Variants in DDX46 observed in about 807,000 individuals in gnomAD.
The protein encoded by DDX46 is probable ATP-dependent RNA helicase DDX46.
Under a neutral mutation model 134.9 loss-of-function variants are expected in DDX46, and 30 were observed. The ratio of observed to expected loss-of-function variants is 0.22; its 90% CI spans 0.17 to 0.30. The LOEUF (loss-of-function observed/expected upper bound fraction) is 0.30. Ranked by LOEUF, DDX46 falls within the 10% of genes least tolerant of loss-of-function variation. The probability of loss-of-function intolerance (pLI) is 1.00; values close to 1 mark genes in which losing one functional copy is unlikely to be tolerated. For missense variants in DDX46, 622 were observed against 1,248.7 expected (o/e 0.50, Z 7.56); for synonymous variants, 415 against 404.1 (o/e 1.03, Z -0.32).
chr5:134,820,167 G>T (rs1212955124), intron 21 of DDX46, among the ~76,000 whole-genome samples: 1 of 151,616 alleles, frequency 6.6e-6, no homozygotes, highest in Non-Finnish European at 1.5e-5. Context: ...TGGTCCACCC[G>T]CCTTGGTCTC....
At chr5:134,769,637 T>G (rs1407876812) in intron 3 of DDX46, among the ~76,000 whole-genome samples, 1 of 150,040 alleles carries the variant, frequency 6.7e-6, no homozygotes, top group East Asian at 1.9e-4. Flanking sequence ...GCCTCCCGAG[T>G]TCAAGTGATT....
chr5:134,822,035 G>A (rs1755470217), intron 21 of DDX46, among the ~76,000 whole-genome samples: 1 of 151,482 alleles, frequency 6.6e-6, no homozygotes, highest in Non-Finnish European at 1.5e-5. Flanking sequence ...GATTACAGAT[G>A]CATGCCTGGC....
At chr5:134,801,718 T>G (rs143193116) in intron 15 of DDX46, among the ~76,000 whole-genome samples, 26 of 152,332 alleles carry the variant, frequency 1.7e-4, no homozygotes, top group Admixed American at 4.6e-4. Flanking sequence ...TTTTTTCTTA[T>G]TACTGAGTAG....
chr5:134,782,412 C>CG, intron 8 of DDX46, among the ~76,000 whole-genome samples: 1 of 151,918 alleles, frequency 6.6e-6, no homozygotes, highest in Middle Eastern at 3.4e-3. Context: ...GAGGCCAAGG[C>CG]GGGCAGATCA....
chr5:134,766,842 G>T, intron 2 of DDX46, 75 bp from the exon 3 acceptor site: 1 of 1,487,806 alleles, frequency 6.7e-7, no homozygotes, highest in Non-Finnish European at 9.0e-7. Flanking sequence ...TTCTTTCAAT[G>T]TGGGACAGAA....
chr5:134,827,447 G>T (rs939808111), intron 22 of DDX46, among the ~76,000 whole-genome samples: 10 of 152,072 alleles, frequency 6.6e-5, no homozygotes, highest in African/African-American at 2.2e-4. Flanking sequence ...GCTAATTTTT[G>T]TATTTTTAGT....
At chr5:134,800,060 G>T (rs1754780393) in intron 15 of DDX46, among the ~76,000 whole-genome samples, 1 of 151,690 alleles carries the variant, frequency 6.6e-6, no homozygotes, top group Non-Finnish European at 1.5e-5. Flanking sequence ...TGATTCTCCT[G>T]CCTCAGCCTC....
Position 134,826,938 on chromosome 5 carries a change from A to G in DDX46, c.2978-9A>G. The stretch of plus-strand genomic sequence containing the variant: ...AATTTGAATAATATGCTTTCCACTC[A>G]ATCACTAGGTGCCAATGAACTGGCT... On this transcript the variant is annotated splice_polypyrimidine_tract_variant and intron_variant, in intron 21 of 22. Coordinates refer to ENST00000452510, the MANE Select transcript of DDX46 (RefSeq NM_001300860.2). 6 of 1,611,618 alleles carry G rather than the reference A, an allele frequency of 3.7e-6. No homozygotes were observed. Among genetic ancestry groups the G allele is most frequent in the African/African-American group, 1.3e-5 (1 of 74,942 alleles).
At chr5:134,792,999 A>G (rs1754548408) in intron 13 of DDX46, among the ~76,000 whole-genome samples, 1 of 152,154 alleles carries the variant, frequency 6.6e-6, no homozygotes, top group Non-Finnish European at 1.5e-5. Flanking sequence ...CTACAAAAAA[A>G]TATAAAAATT....
intron 3 of DDX46, among the ~76,000 whole-genome samples, chr5:134,767,998 A>G (rs970933791): frequency 2.0e-5 from 3 of 152,064 alleles, no homozygotes; most frequent in East Asian, 3.9e-4. Flanking sequence ...ACAATGTGCA[A>G]TTTGTTTAGC....
intron 17 of DDX46, 69 bp from the exon 18 acceptor site, chr5:134,811,627 T>C: frequency 6.7e-7 from 1 of 1,484,566 alleles, no homozygotes; most frequent in Non-Finnish European, 9.0e-7. Flanking sequence ...GAAAAATATT[T>C]AATTAGTATG....
At chr5:134,781,324 G>A (rs550180634) in intron 7 of DDX46, 78 bp downstream of exon 7, 22 of 1,115,048 alleles carry the variant, frequency 2.0e-5, no homozygotes, top group East Asian at 5.1e-5. Flanking sequence ...GGAGATGTGC[G>A]TTTCATTTGT....
chr5:134,811,480 C>A, intron 17 of DDX46, 122 bp downstream of exon 17: 1 of 1,336,376 alleles, frequency 7.5e-7, no homozygotes, highest in Non-Finnish European at 1.0e-6. Context: ...TTTTATTTCT[C>A]TCTAGAGGGA....
intron 18 of DDX46, among the ~76,000 whole-genome samples, chr5:134,813,886 A>G (rs562218363): frequency 1.2e-4 from 18 of 152,134 alleles, no homozygotes; most frequent in African/African-American, 3.9e-4. Context: ...CAGCCTCCCA[A>G]AGTGATGGTA....
At chr5:134,792,041 G>A (rs1754519885) in intron 13 of DDX46, among the ~76,000 whole-genome samples, 1 of 152,118 alleles carries the variant, frequency 6.6e-6, no homozygotes, top group Non-Finnish European at 1.5e-5. Flanking sequence ...GCTGGACATG[G>A]TGACGGGCGC....
chr5:134,773,942 CTTT>C, intron 5 of DDX46, 81 bp downstream of exon 5: 2 of 1,349,298 alleles, frequency 1.5e-6, no homozygotes. Context: ...GGTTTTTAAT[CTTT>C]TTTATTGTTG....
chr5:134,761,171 G>T (rs754554115), intron 1 of DDX46, among the ~76,000 whole-genome samples: 3 of 152,068 alleles, frequency 2.0e-5, no homozygotes, highest in Non-Finnish European at 4.4e-5. Context: ...GACTGCAAGC[G>T]TGTGCCACCA....
intron 5 of DDX46, among the ~76,000 whole-genome samples, chr5:134,774,898 G>A (rs985574850): frequency 2.6e-5 from 4 of 151,736 alleles, no homozygotes; most frequent in Middle Eastern, 3.4e-3. Flanking sequence ...TCACCCAGGC[G>A]GCACTGCAGT....
At chr5:134,826,780 A>G in intron 21 of DDX46, 167 bp from the exon 22 acceptor site, 2 of 556,516 alleles carry the variant, frequency 3.6e-6, no homozygotes, top group African/African-American at 1.9e-5. Context: ...ATAAGCAGCC[A>G]TTATATAATG....
Sources: gnomAD v4.1 joint callset for allele counts (sites outside exome capture counted in the v4.1 genomes callset) on GRCh38, gnomAD v4.1.1 for gene constraint, MANE v1.5 for transcripts, NCBI Gene and HGNC (gene_info 2026-07-23, HGNC 2026-07-21) for gene names.